Variants in ANK1 observed in about 807,000 individuals in gnomAD.
ANK1 encodes the protein ankyrin 1.
A neutral mutation model predicts 210.4 loss-of-function variants in ANK1; 51 were observed. The observed-to-expected ratio is 0.24, with a 90% CI of 0.19 to 0.31. The LOEUF is 0.31. ANK1 is among the 10% of genes least tolerant of loss of function. ANK1 has a pLI of 1.00. For synonymous variants in ANK1, 967 were observed against 1,025.9 expected, an observed-to-expected ratio of 0.94 and a Z score of 1.10; for missense variants, 2,051 against 2,504.4, an observed-to-expected ratio of 0.82 and a Z score of 3.86.
chr8:41,666,101 G>T (rs1810463999), intron 39 of ANK1, among the ~76,000 whole-genome samples: 1 of 152,234 alleles, frequency 6.6e-6, no homozygotes, highest in Non-Finnish European at 1.5e-5. Flanking sequence ...GGGGTCTTGG[G>T]AAGGCTGGGG....
At position 41,746,088 on chromosome 8, in the gene ANK1, A is replaced by G. The variant is rs1434953317; in HGVS notation, c.129+11948T>C. Among the ~76,000 whole-genome samples the G allele has an allele frequency of 2.0e-5, 3 of 152,262 alleles. No individual in the cohort carries two copies. In the East Asian group the frequency reaches 5.8e-4, roughly 29 times the overall value. On this transcript the variant is annotated intron_variant, in intron 2 of 42. Transcript: ENST00000289734. Reference sequence around the variant, plus strand: ...GAAACCCCAGAGTGCAATCAAACACACTAAGAGAACAGCCCTCAGCCCACA... The same window carrying G: ...GAAACCCCAGAGTGCAATCAAACACGCTAAGAGAACAGCCCTCAGCCCACA...
intron 2 of ANK1, among the ~76,000 whole-genome samples, chr8:41,736,694 C>G (rs1003790279): frequency 6.6e-6 from 1 of 152,210 alleles, no homozygotes; most frequent in Non-Finnish European, 1.5e-5. Context: ...ACAAAACCAG[C>G]AAGCCTGGAA....
At chr8:41,698,254 G>T in intron 23 of ANK1, 133 bp from the exon 24 acceptor site, 1 of 848,316 alleles carries the variant, frequency 1.2e-6, no homozygotes, top group Non-Finnish European at 1.9e-6. Flanking sequence ...CCTGGTGGAA[G>T]GACCGCCTCC....
chr8:41,791,451 T>C (rs940211159), intron 1 of ANK1, among the ~76,000 whole-genome samples: 2 of 151,028 alleles, frequency 1.3e-5, no homozygotes, highest in African/African-American at 4.9e-5. Flanking sequence ...TTCTTTCTTT[T>C]TTTTTTTTTG....
Position 41,683,594 on chromosome 8 carries a change from C to T in ANK1, c.4537+950G>A, listed in dbSNP as rs536442034. On this transcript the variant is annotated intron_variant, in intron 37 of 42. Coordinates refer to ENST00000289734, the MANE Select transcript of ANK1 (RefSeq NM_000037.4). ...CAGGCATCCAGGGTGACGCGTCAGC[C>T]ACCTGAGGAAGCCACGTCACAGACA... 3.3e-5 allele frequency among the ~76,000 whole-genome samples: 5 copies of T among 152,356 alleles called. No individual in the cohort carries two copies. In the South Asian group the frequency reaches 8.3e-4, roughly 25 times the overall value.
rs146635882 is a variant in ANK1, at chr8:41,833,439, G to C, written c.126+62916C>G. Among the ~76,000 whole-genome samples the C allele has an allele frequency of 1.8e-3, 276 of 152,304 alleles. 3 individuals are homozygous for C. The highest frequency in any genetic ancestry group is 6.4e-3 in the African/African-American group (267 of 41,558). ...TTTGCCATTAACAAAGGAAAAATCT[G>C]TCCAGAATTTATATTAAAAGCTCCA... On this transcript the variant is annotated intron_variant, in intron 1 of 42. Coordinates refer to the ANK1 transcript ENST00000265709.
At chr8:41,863,124 G>A (rs1318127264) in intron 1 of ANK1, among the ~76,000 whole-genome samples, 1 of 152,156 alleles carries the variant, frequency 6.6e-6, no homozygotes, top group East Asian at 1.9e-4. Flanking sequence ...TTTGGGAGGC[G>A]GAGGCAGGCG....
chr8:41,781,916 G>A (rs1166993658), intron 1 of ANK1, among the ~76,000 whole-genome samples: 2 of 152,184 alleles, frequency 1.3e-5, no homozygotes, highest in African/African-American at 4.8e-5. Flanking sequence ...CCTGCTGCTG[G>A]CGGCTCCCCT....
At chr8:41,720,770 G>A (rs1829044969) in intron 9 of ANK1, among the ~76,000 whole-genome samples, 1 of 152,136 alleles carries the variant, frequency 6.6e-6, no homozygotes, top group African/African-American at 2.4e-5. Flanking sequence ...CTGAATGGAA[G>A]TTCACCAGGA....
chr8:41,817,630 T>A (rs532681801), intron 1 of ANK1, among the ~76,000 whole-genome samples: 6 of 152,382 alleles, frequency 3.9e-5, no homozygotes, highest in African/African-American at 1.4e-4. Context: ...GAGTTAGAGC[T>A]ATTTGTCTAG....
At chr8:41,838,126 T>C (rs765210162) in intron 1 of ANK1, among the ~76,000 whole-genome samples, 1 of 152,232 alleles carries the variant, frequency 6.6e-6, no homozygotes, top group Non-Finnish European at 1.5e-5. Context: ...TTATTGAGCA[T>C]TTTACATGCT....
At chr8:41,709,080 A>G in intron 16 of ANK1, 105 bp from the exon 17 acceptor site, 1 of 1,337,836 alleles carries the variant, frequency 7.5e-7, no homozygotes, top group East Asian at 2.4e-5. Context: ...CTGGACACCC[A>G]GTGAGCAGGG....
At position 41,887,673 on chromosome 8, in the gene ANK1, A is replaced by T. The variant is rs140791127; in HGVS notation, c.126+8682T>A. Among the ~76,000 whole-genome samples the T allele has an allele frequency of 5.9e-5, 9 of 152,352 alleles. No homozygotes were observed. In the East Asian group the frequency reaches 1.7e-3, roughly 29 times the overall value. On this transcript the variant is annotated intron_variant, in intron 1 of 42. Coordinates refer to the ANK1 transcript ENST00000265709. The stretch of plus-strand genomic sequence containing the variant: ...ACATAGTGTGTATTTCTCTGATGAC[A>T]TGTTACTTGGCTACTCTGGCCCTGA...
intron 1 of ANK1, among the ~76,000 whole-genome samples, chr8:41,881,336 T>C (rs1455895293): frequency 1.3e-5 from 2 of 152,196 alleles, no homozygotes; most frequent in Non-Finnish European, 2.9e-5. Flanking sequence ...GTTCCTAATG[T>C]TCCCATTCTA....
At chr8:41,657,649 C>T (rs1585747501) in intron 42 of ANK1, among the ~76,000 whole-genome samples, 1 of 152,324 alleles carries the variant, frequency 6.6e-6, no homozygotes, top group East Asian at 1.9e-4. Flanking sequence ...CTCCCATCTA[C>T]TTTACCGCCC....
At chr8:41,706,358 G>T in intron 17 of ANK1, 117 bp from the exon 18 acceptor site, 1 of 914,688 alleles carries the variant, frequency 1.1e-6, no homozygotes, top group Non-Finnish European at 1.7e-6. Flanking sequence ...TAGTTATTTG[G>T]CTCCAGGCAA....
At chr8:41,851,966 A>G (rs887220257) in intron 1 of ANK1, among the ~76,000 whole-genome samples, 2 of 152,068 alleles carry the variant, frequency 1.3e-5, no homozygotes, top group Non-Finnish European at 2.9e-5. Flanking sequence ...CATATTCATA[A>G]CCCTCCTCAG....
chr8:41,694,089 G>A lies in ANK1; in HGVS notation c.3341C>T (p.Pro1114Leu), dbSNP rs749826502. 7.5e-5 allele frequency: 121 copies of A among 1,613,744 alleles called. No individual in the cohort carries two copies. The highest frequency in any genetic ancestry group is 1.6e-4 in the Middle Eastern group (1 of 6,080). Residue 1114 changes from proline to leucine, a missense_variant, in exon 29 of 43, where the codon CCG becomes CTG. Coordinates refer to ENST00000289734, the MANE Select transcript of ANK1 (RefSeq NM_000037.4). The surrounding 1 kb of genome is among the most constrained non-coding windows in gnomAD (Gnocchi z 5.7). Reference protein sequence around the residue: ...VKLALQAQPVPDELVTKLLGN... With the variant: ...VKLALQAQPVLDELVTKLLGN... ...CAGGAGCTTAGTGACAAGCTCATCC[G>A]GGACAGGCTGGGCCTGTGAAATGAC...
At chr8:41,728,286 G>T (rs1229264616) in intron 3 of ANK1, among the ~76,000 whole-genome samples, 1 of 152,230 alleles carries the variant, frequency 6.6e-6, no homozygotes, top group Non-Finnish European at 1.5e-5. Context: ...AGCTGGAACT[G>T]GAGGCCAGTA....
Sources: allele counts gnomAD v4.1 joint callset (sites outside exome capture counted in the v4.1 genomes callset), GRCh38; gene constraint gnomAD v4.1.1; non-coding constraint Gnocchi (gnomAD v3.1); transcripts MANE v1.5; gene names NCBI Gene and HGNC (gene_info 2026-07-23, HGNC 2026-07-21).